Variants in BICRAL observed in about 807,000 individuals in gnomAD.
BICRAL encodes the protein BICRA like chromatin remodeling complex associated protein, also known as BRD4-interacting chromatin-remodeling complex-associated protein-like.
Under a neutral mutation model 91.8 loss-of-function variants are expected in BICRAL, and 8 were observed. The ratio of observed to expected loss-of-function variants is 0.09; its 90% confidence interval spans 0.05 to 0.16. The LOEUF is 0.16. BICRAL is among the 10% of genes least tolerant of loss of function. The pLI is 1.00. For synonymous variants in BICRAL, 445 were observed against 491.1 expected (o/e 0.91, Z 1.24); for missense variants, 1,038 against 1,310.9 (o/e 0.79, Z 3.21).
chr6:42,822,070 T>C lies in BICRAL; in HGVS notation c.41+7T>C. The C allele has an allele frequency of 1.3e-6, 2 of 1,592,616 alleles. No homozygotes were observed. The highest frequency in any genetic ancestry group is 1.7e-6 in the Non-Finnish European group (2 of 1,161,002). ...GTCTCCTTGATCTTATTGGGTAAGA[T>C]GCTTATTCCAAAACCTGGGTAAATC... On this transcript the variant is annotated splice_region_variant and intron_variant, in intron 3 of 12. Coordinates refer to ENST00000314073, the MANE Select transcript of BICRAL (RefSeq NM_001393499.1).
At chr6:42,770,412 A>ATTTTTT (rs531644287) in intron 1 of BICRAL, among the ~76,000 whole-genome samples, 5 of 126,218 alleles carry the variant, frequency 4.0e-5, no homozygotes, top group African/African-American at 6.3e-5. Context: ...TATTATTATT[A>ATTTTTT]TTTTTTTTTT....
At chr6:42,752,995 C>T (rs1208601110) in intron 1 of BICRAL, among the ~76,000 whole-genome samples, 3 of 145,956 alleles carry the variant, frequency 2.1e-5, no homozygotes, top group South Asian at 2.2e-4. Context: ...GGTGCAATCT[C>T]GGCTCACTGC....
Position 42,845,354 on chromosome 6 carries a change from G to A in BICRAL, c.1840-6738G>A, listed in dbSNP as rs182990174. On this transcript the variant is annotated intron_variant, in intron 6 of 12. Coordinates refer to ENST00000314073, the MANE Select transcript of BICRAL (RefSeq NM_001393499.1). ...AGCGATTCTCCTGTCTCAGCCTCCG[G>A]AGGGATTACAAGCGTGAGCCACAGC... is the stretch of plus-strand genomic sequence containing the variant. 6.9e-3 allele frequency among the ~76,000 whole-genome samples: 1,046 copies of A among 150,782 alleles called. 14 individuals are homozygous for A. The highest frequency in any genetic ancestry group is 0.014 in the Middle Eastern group (4 of 290).
chr6:42,844,547 A>AAAAG (rs1562490472), intron 6 of BICRAL, among the ~76,000 whole-genome samples: 2 of 77,308 alleles, frequency 2.6e-5, no homozygotes, highest in East Asian at 4.3e-4. Context: ...AAAAAAAAAG[A>AAAAG]GGGTGTTGCA....
At chr6:42,789,393 C>G (rs1228245093) in intron 1 of BICRAL, among the ~76,000 whole-genome samples, 1 of 152,106 alleles carries the variant, frequency 6.6e-6, no homozygotes, top group Non-Finnish European at 1.5e-5. Context: ...ACAATCCCAG[C>G]ACTTTGGGAG....
chr6:42,803,647 T>C (rs1333584777), intron 1 of BICRAL, among the ~76,000 whole-genome samples: 1 of 152,214 alleles, frequency 6.6e-6, no homozygotes, highest in Non-Finnish European at 1.5e-5. Context: ...CACTAAACTC[T>C]GCTAACACAG....
chr6:42,824,954 CA>C (rs1408939171), intron 5 of BICRAL, among the ~76,000 whole-genome samples: 1 of 152,056 alleles, frequency 6.6e-6, no homozygotes, highest in South Asian at 2.1e-4. Context: ...CCCATCTCTA[CA>C]AAAAATTTAA....
intron 1 of BICRAL, among the ~76,000 whole-genome samples, chr6:42,752,991 A>G (rs980440527): frequency 2.7e-5 from 4 of 147,786 alleles, no homozygotes; most frequent in Non-Finnish European, 4.4e-5. Flanking sequence ...CAGTGGTGCA[A>G]TCTCGGCTCA....
chr6:42,755,650 C>T (rs1055238650), intron 1 of BICRAL, among the ~76,000 whole-genome samples: 27 of 151,632 alleles, frequency 1.8e-4, no homozygotes, highest in African/African-American at 6.1e-4. Context: ...CCTGGGACCT[C>T]GAGCCACCAG....
chr6:42,863,412 A>T (rs1376202776), intron 12 of BICRAL, among the ~76,000 whole-genome samples: 1 of 152,142 alleles, frequency 6.6e-6, no homozygotes, highest in East Asian at 1.9e-4. Flanking sequence ...TCACTCACAG[A>T]CGCAGCTCCT....
chr6:42,766,934 C>A (rs12197778), intron 1 of BICRAL, among the ~76,000 whole-genome samples: 38,016 of 151,416 alleles, frequency 0.25, 5,048 homozygotes, highest in African/African-American at 0.33. Context: ...CAGCTACTCG[C>A]GAGGCTGAGG....
chr6:42,792,515 C>T (rs529664543), intron 1 of BICRAL, among the ~76,000 whole-genome samples: 1 of 151,792 alleles, frequency 6.6e-6, no homozygotes, highest in Non-Finnish European at 1.5e-5. Context: ...TCAAGCAGTC[C>T]TCCTGCCTCA....
Position 42,830,026 on chromosome 6 carries a change from A to G in BICRAL, c.1693A>G (p.Asn565Asp), listed in dbSNP as rs1162583394. The change falls in exon 6 of 13, where the codon AAC becomes GAC. Residue 565 changes from asparagine (N) to aspartate (D), a missense_variant. Transcript: ENST00000314073. ...SAVQSGSSGS[N>D]FTGDQLTQPN... ...AGTTCAGTCTGGTTCATCAGGATCA[A>G]ACTTTACAGGAGATCAGCTGACCCA... 4 of 1,614,182 alleles carry G rather than the reference A, an allele frequency of 2.5e-6. No homozygotes were observed. The South Asian group carries it at 4.4e-5, about 18-fold the overall frequency.
intron 12 of BICRAL, among the ~76,000 whole-genome samples, chr6:42,863,238 C>T (rs1179356488): frequency 4.0e-5 from 6 of 151,890 alleles, no homozygotes; most frequent in South Asian, 2.1e-4. Flanking sequence ...TTAGTAGAGA[C>T]GGGGTTTCAC....
chr6:42,762,656 A>G (rs1762569176), intron 1 of BICRAL, among the ~76,000 whole-genome samples: 1 of 152,196 alleles, frequency 6.6e-6, no homozygotes, highest in South Asian at 2.1e-4. Context: ...TGAGGCACCC[A>G]ATAATTATCT....
intron 1 of BICRAL, among the ~76,000 whole-genome samples, chr6:42,771,255 GGACCCCTCCCCCT>G (rs1445601818): frequency 6.6e-6 from 1 of 152,242 alleles, no homozygotes; most frequent in Non-Finnish European, 1.5e-5. Context: ...TGCAGAAAGA[GGACCCCTCCCCCT>G]GCGGGCCGCC....
chr6:42,773,369 C>T (rs950476518), intron 1 of BICRAL, among the ~76,000 whole-genome samples: 7 of 151,916 alleles, frequency 4.6e-5, no homozygotes, highest in African/African-American at 1.7e-4. Flanking sequence ...TGAGCCACTG[C>T]ACCTGGCTGC....
At chr6:42,842,347 C>T (rs1007110530) in intron 6 of BICRAL, among the ~76,000 whole-genome samples, 2 of 152,196 alleles carry the variant, frequency 1.3e-5, no homozygotes, top group African/African-American at 4.8e-5. Flanking sequence ...GATTAATCTG[C>T]TTTCGTCCTC....
At chr6:42,864,177 A>G (rs1765639238) in intron 12 of BICRAL, among the ~76,000 whole-genome samples, 1 of 151,930 alleles carries the variant, frequency 6.6e-6, no homozygotes, top group Non-Finnish European at 1.5e-5. Flanking sequence ...CAAAAAAAAA[A>G]AAAAATACCA....
Sources: gnomAD v4.1 joint callset for allele counts (sites outside exome capture counted in the v4.1 genomes callset) on GRCh38, gnomAD v4.1.1 for gene constraint, MANE v1.5 for transcripts, NCBI Gene and HGNC (gene_info 2026-07-23, HGNC 2026-07-21) for gene names.